XKR4: variants seen among roughly 807,000 people sequenced by gnomAD.
XKR4 encodes the protein XK-related protein 4.
A neutral mutation model predicts 53.9 loss-of-function variants in XKR4; 12 were observed. That is an observed-to-expected ratio of 0.22 (90% CI 0.14 to 0.36). The LOEUF (loss-of-function observed/expected upper bound fraction) is 0.36, where lower values mean the gene tolerates loss of function less well. XKR4 is among the 10% of genes least tolerant of loss of function. The probability of loss-of-function intolerance (pLI) is 1.00; values close to 1 mark genes in which losing one functional copy is unlikely to be tolerated. For missense variants in XKR4, 799 were observed against 859.5 expected (o/e 0.93, Z 0.88); for synonymous variants, 354 against 362.4 (o/e 0.98, Z 0.26).
At chr8:55,225,171 C>T (rs1251389195) in intron 1 of XKR4, among the ~76,000 whole-genome samples, 1 of 152,156 alleles carries the variant, frequency 6.6e-6, no homozygotes, top group Non-Finnish European at 1.5e-5. Context: ...TGCATAATCC[C>T]GATTTTACAA....
chr8:55,366,391 T>C (rs1364291931), intron 2 of XKR4, among the ~76,000 whole-genome samples: 2 of 152,216 alleles, frequency 1.3e-5, no homozygotes, highest in Non-Finnish European at 2.9e-5. Context: ...TGAAAGGCTA[T>C]GGTATGAGAC....
At chr8:55,279,892 C>G (rs1292707493) in intron 1 of XKR4, among the ~76,000 whole-genome samples, 1 of 152,188 alleles carries the variant, frequency 6.6e-6, no homozygotes, top group Non-Finnish European at 1.5e-5. Flanking sequence ...TAAAGCCATA[C>G]ATTTGCTCTT....
rs1807026647 is a variant in XKR4, at chr8:55,536,007, T to G, written c.*11780T>G. The G allele has an allele frequency of 6.6e-6, 1 of 152,214 alleles. No homozygotes were observed. 9.4% of individuals were successfully genotyped at this position (152,214 alleles called of 1,614,324 possible). ...ACATGAACCACTTAACCATCCCTCC[T>G]TTTAACAGCAATGAGATTCAGGGTT... On this transcript the variant is annotated 3_prime_UTR_variant, in exon 3 of 3. Transcript: ENST00000327381.
At chr8:55,184,830 T>C (rs189778543) in intron 1 of XKR4, among the ~76,000 whole-genome samples, 271 of 152,322 alleles carry the variant, frequency 1.8e-3, no homozygotes, top group Non-Finnish European at 3.0e-3. Flanking sequence ...AAATTATTAT[T>C]CTCGGGTGTA....
At chr8:55,237,965 A>G (rs911029781) in intron 1 of XKR4, among the ~76,000 whole-genome samples, 2 of 152,090 alleles carry the variant, frequency 1.3e-5, no homozygotes, top group African/African-American at 4.8e-5. Context: ...AGACAGAAAG[A>G]GAGAGAAAGA....
rs140216245 is a variant in XKR4, at chr8:55,484,967, A to G, written c.1007-38314A>G. ...ACTTCTCAGCCTCCATGATTGTATG[A>G]GCTGATTCCTTATCATTTCTGTTTC... On this transcript the variant is annotated intron_variant, in intron 2 of 2. Transcript: ENST00000327381. Among the ~76,000 whole-genome samples, 263 of 152,270 alleles carry G rather than the reference A, an allele frequency of 1.7e-3. 1 individual carries two copies. The highest frequency in any genetic ancestry group is 6.1e-3 in the African/African-American group (253 of 41,564).
chr8:55,308,025 C>T (rs1047769856), intron 1 of XKR4, among the ~76,000 whole-genome samples: 3 of 152,082 alleles, frequency 2.0e-5, no homozygotes, highest in Non-Finnish European at 2.9e-5. Context: ...GAGGCTGAGG[C>T]GGGCAGATCA....
chr8:55,265,941 T>A (rs953532866), intron 1 of XKR4, among the ~76,000 whole-genome samples: 2 of 151,628 alleles, frequency 1.3e-5, no homozygotes, highest in African/African-American at 4.8e-5. Flanking sequence ...GCTGAGATCA[T>A]GCCACTGCAC....
intron 1 of XKR4, among the ~76,000 whole-genome samples, chr8:55,188,779 G>A (rs575786085): frequency 6.6e-6 from 1 of 152,156 alleles, no homozygotes; most frequent in African/African-American, 2.4e-5. Context: ...ACTTAACCCT[G>A]CTAAGCCTCA....
chr8:55,462,036 T>C (rs1179924630), intron 2 of XKR4, among the ~76,000 whole-genome samples: 5 of 152,200 alleles, frequency 3.3e-5, no homozygotes, highest in African/African-American at 7.2e-5. Flanking sequence ...TGGAACCAAG[T>C]TGGAAAACAC....
At chr8:55,462,246 G>A (rs528181806) in intron 2 of XKR4, among the ~76,000 whole-genome samples, 2 of 152,348 alleles carry the variant, frequency 1.3e-5, no homozygotes, top group East Asian at 3.9e-4. Flanking sequence ...TACCCACAAA[G>A]GGAAGCCCAT....
chr8:55,451,890 C>A, intron 2 of XKR4: 1 of 842,696 alleles, frequency 1.2e-6, no homozygotes, highest in South Asian at 1.5e-5. Flanking sequence ...TGGGCTCCAG[C>A]TCTTCCGACA....
chr8:55,500,264 C>G (rs943816943), intron 2 of XKR4, among the ~76,000 whole-genome samples: 1 of 151,544 alleles, frequency 6.6e-6, no homozygotes, highest in Non-Finnish European at 1.5e-5. Flanking sequence ...TTGAATTCCC[C>G]TTGTTTTCCT....
chr8:55,152,990 T>C (rs528086475), intron 1 of XKR4, among the ~76,000 whole-genome samples: 1 of 152,274 alleles, frequency 6.6e-6, no homozygotes, highest in Middle Eastern at 3.4e-3. Context: ...GGGGTTAAAA[T>C]GGAGAAGCAC....
At chr8:55,280,231 T>C (rs964845637) in intron 1 of XKR4, among the ~76,000 whole-genome samples, 3 of 152,212 alleles carry the variant, frequency 2.0e-5, no homozygotes, top group Non-Finnish European at 4.4e-5. Context: ...TTTTTATGTT[T>C]GTCAGAGCCA....
chr8:55,541,472 C>T lies in XKR4; in HGVS notation c.*17245C>T, dbSNP rs1807100290. 6.6e-6 allele frequency: 1 copy of T among 152,032 alleles called. No individual in the cohort carries two copies. The highest frequency in any genetic ancestry group is 1.9e-4 in the East Asian group (1 of 5,196). The allele number at this position is 152,032 out of a possible 1,614,324, so 9.4% of individuals were successfully genotyped here. ...GAACAGCAAATGGAAGAGAATGGAC[C>T]AGTAATTTCTCAGTCCCCTGTTGTC... is the stretch of plus-strand genomic sequence containing the variant. On this transcript the variant is annotated 3_prime_UTR_variant, in exon 3 of 3. Coordinates refer to ENST00000327381, the MANE Select transcript of XKR4 (RefSeq NM_052898.2).
chr8:55,455,639 T>C (rs539670048), intron 2 of XKR4, among the ~76,000 whole-genome samples: 83 of 152,304 alleles, frequency 5.4e-4, no homozygotes, highest in African/African-American at 1.9e-3. Flanking sequence ...AGAAATTGAA[T>C]AGCGAGATCC....
chr8:55,523,200 A>T, intron 2 of XKR4, 81 bp from the exon 3 acceptor site: 1 of 1,299,396 alleles, frequency 7.7e-7, no homozygotes, highest in Non-Finnish European at 1.0e-6. Context: ...AGCCTTCCCC[A>T]AGCCCCCAGC....
intron 1 of XKR4, among the ~76,000 whole-genome samples, chr8:55,343,060 C>A (rs1043790353): frequency 2.0e-5 from 3 of 152,158 alleles, no homozygotes; most frequent in African/African-American, 7.2e-5. Flanking sequence ...AGGTAAAATT[C>A]TTTATAGTAC....
Sources: allele counts gnomAD v4.1 joint callset (sites outside exome capture counted in the v4.1 genomes callset), GRCh38; gene constraint gnomAD v4.1.1; transcripts MANE v1.5; gene names NCBI Gene and HGNC (gene_info 2026-07-23, HGNC 2026-07-21).